DCBLD1: variants seen among roughly 807,000 people sequenced by gnomAD.
The protein encoded by DCBLD1 is discoidin, CUB and LCCL domain containing 1.
DCBLD1 carries 57 observed loss-of-function variants against 71.5 expected under a neutral mutation model. The observed-to-expected ratio is 0.80, with a 90% CI of 0.64 to 0.99. The LOEUF is 0.99. Among genes scored for constraint, DCBLD1 ranks in the 50% least tolerant of loss-of-function variants. The pLI is 0.00. For missense variants in DCBLD1, 891 were observed against 923.5 expected, an observed-to-expected ratio of 0.96 and a Z score of 0.46; for synonymous variants, 380 against 363.8, an observed-to-expected ratio of 1.04 and a Z score of -0.51.
chr6:117,547,838 C>T, intron 14 of DCBLD1, 69 bp from the exon 15 acceptor site: 1 of 1,548,984 alleles, frequency 6.5e-7, no homozygotes, highest in Middle Eastern at 1.7e-4. Context: ...AGCAGAGTAT[C>T]CCCGTCTGCC....
chr6:117,513,334 C>T (rs1778084866), intron 2 of DCBLD1, among the ~76,000 whole-genome samples: 1 of 152,182 alleles, frequency 6.6e-6, no homozygotes, highest in Admixed American at 6.5e-5. Context: ...AAGAAGGCAA[C>T]TCCTACAGTT....
chr6:117,483,363 G>A (rs1016855764), intron 1 of DCBLD1, among the ~76,000 whole-genome samples: 1 of 152,168 alleles, frequency 6.6e-6, no homozygotes, highest in Admixed American at 6.5e-5. Context: ...CGCTCCTCCC[G>A]CGCGGAATTG....
chr6:117,525,641 A>G (rs371632697), intron 5 of DCBLD1, among the ~76,000 whole-genome samples: 1 of 152,240 alleles, frequency 6.6e-6, no homozygotes, highest in Non-Finnish European at 1.5e-5. Flanking sequence ...TAAGCTTACT[A>G]TAAATGAAAT....
Position 117,549,702 on chromosome 6 carries a change from C to T in DCBLD1, c.*1263C>T. The T allele has an allele frequency of 1.0e-6, 1 of 985,418 alleles. No homozygotes were observed. The highest frequency in any genetic ancestry group is 1.2e-6 in the Non-Finnish European group (1 of 829,962). The allele number at this position is 985,418 out of a possible 1,614,324, so 61.0% of individuals were successfully genotyped here. On this transcript the variant is annotated 3_prime_UTR_variant, in exon 15 of 15. Transcript: ENST00000338728. ...GGGGGTGCTGGAAGGTCATGGCAGA[C>T]TAGCTGCTGGTTAGTGTGGAGGGGA... is the stretch of plus-strand genomic sequence containing the variant.
At chr6:117,525,836 C>T (rs1177915444) in intron 5 of DCBLD1, among the ~76,000 whole-genome samples, 1 of 152,144 alleles carries the variant, frequency 6.6e-6, no homozygotes, top group African/African-American at 2.4e-5. Flanking sequence ...AGCCATCCAC[C>T]CTGCTCTTAT....
intron 1 of DCBLD1, among the ~76,000 whole-genome samples, chr6:117,494,030 T>C (rs1013886029): frequency 4.6e-5 from 7 of 152,326 alleles, no homozygotes; most frequent in South Asian, 4.1e-4. Flanking sequence ...TTATCAGATA[T>C]GGTTGTCATG....
intron 1 of DCBLD1, among the ~76,000 whole-genome samples, chr6:117,495,050 G>A (rs571839470): frequency 2.0e-5 from 3 of 152,232 alleles, no homozygotes; most frequent in South Asian, 4.1e-4. Flanking sequence ...TTTTGAGGAG[G>A]GTGAGGGCAT....
At chr6:117,504,655 G>C (rs1161651136) in intron 2 of DCBLD1, among the ~76,000 whole-genome samples, 3 of 152,204 alleles carry the variant, frequency 2.0e-5, no homozygotes, top group Non-Finnish European at 4.4e-5. Flanking sequence ...GCAAAGGTCA[G>C]TTTCCTAAAT....
chr6:117,554,024 T>A (rs988218462), downstream of DCBLD1, among the ~76,000 whole-genome samples: 9 of 152,232 alleles, frequency 5.9e-5, no homozygotes, highest in African/African-American at 2.2e-4. Flanking sequence ...ATAAAACCCT[T>A]ACAACAGTGT....
chr6:117,569,663 C>T, exon 15 of DCBLD1: 1 of 1,611,768 alleles, frequency 6.2e-7, no homozygotes, highest in South Asian at 1.1e-5. Flanking sequence ...AACGTGCAGC[C>T]CTCCGCATCT....
At position 117,548,052 on chromosome 6, in the gene DCBLD1, C is replaced by A. The variant is rs762365669; in HGVS notation, c.1761C>A (p.His587Gln). ...ACTGCCCGCAGCGGGCCGGCCGCCA[C>A]GAGTACGCGCTGCCCCTGGCGCCCC... is the stretch of plus-strand genomic sequence containing the variant. Reference protein sequence around the residue: ...HYDCPQRAGRHEYALPLAPPE... With the variant: ...HYDCPQRAGRQEYALPLAPPE... Residue 587 changes from histidine to glutamine, a missense_variant, in exon 15 of 15, where the codon CAC becomes CAA. Transcript: ENST00000338728. 12 of 1,548,920 alleles carry A rather than the reference C, an allele frequency of 7.7e-6. No individual in the cohort carries two copies. The highest frequency in any genetic ancestry group is 1.2e-5 in the South Asian group (1 of 83,964).
chr6:117,520,016 T>C, intron 3 of DCBLD1, 66 bp downstream of exon 3: 1 of 1,593,166 alleles, frequency 6.3e-7, no homozygotes, highest in Non-Finnish European at 8.6e-7. Flanking sequence ...TTGCCACTTA[T>C]CCCCATCCCT....
rs774967762 is a variant in DCBLD1 at position 117,567,078 on chromosome 6, G to T, written c.1616-2542G>T. On this transcript the variant is annotated intron_variant, in intron 14 of 14. Coordinates refer to the DCBLD1 transcript ENST00000296955. ...ATGAGAAAGTCAAGTTATTGTAATT[G>T]TAATTTAAAAAGGATTTCCAAATTC... 2.1e-6 allele frequency: 3 copies of T among 1,433,666 alleles called. No homozygotes were observed. The South Asian group carries it at 4.3e-5, about 21-fold the overall frequency. 88.8% of individuals were successfully genotyped at this position (1,433,666 alleles called of 1,614,324 possible). A position where few individuals can be genotyped will look rare whatever the true frequency, so the allele number is the denominator to read the frequency against.
At chr6:117,542,378 CCTT>C (rs1779128033) in intron 11 of DCBLD1, among the ~76,000 whole-genome samples, 1 of 152,186 alleles carries the variant, frequency 6.6e-6, no homozygotes, top group Non-Finnish European at 1.5e-5. Flanking sequence ...TCCCTTTTCC[CCTT>C]CTTCATGAAT....
chr6:117,518,067 T>C (rs1187542773), intron 2 of DCBLD1, among the ~76,000 whole-genome samples: 1 of 152,214 alleles, frequency 6.6e-6, no homozygotes, highest in Non-Finnish European at 1.5e-5. Context: ...TTCTGAACTT[T>C]TATGCTCTGC....
In DCBLD1 at chr6:117,540,901, C is replaced by T; in HGVS notation, c.1250-17C>T. On this transcript the variant is annotated splice_polypyrimidine_tract_variant and intron_variant, in intron 10 of 14. Transcript: ENST00000338728. The stretch of plus-strand genomic sequence containing the variant: ...ATTGTTACTCATGTGGTTTTCCCGA[C>T]ATCCCTCCTCTCTCAGGTAATGATT... The T allele has an allele frequency of 6.2e-7, 1 of 1,613,948 alleles. No individual in the cohort carries two copies. Among genetic ancestry groups the T allele is most frequent in the Non-Finnish European group, 8.5e-7 (1 of 1,180,022 alleles).
At chr6:117,497,479 G>A (rs1582970361) in intron 1 of DCBLD1, among the ~76,000 whole-genome samples, 1 of 152,168 alleles carries the variant, frequency 6.6e-6, no homozygotes, top group Non-Finnish European at 1.5e-5. Context: ...CAAGCATCTA[G>A]GATTTGTTCT....
At position 117,548,889 on chromosome 6, in the gene DCBLD1, T is replaced by G. The variant is rs1779369221; in HGVS notation, c.*450T>G. On this transcript the variant is annotated 3_prime_UTR_variant, in exon 15 of 15. Coordinates refer to ENST00000338728, the MANE Select transcript of DCBLD1 (RefSeq NM_001366458.2). ...TGTTCATTTTTTTCAGTATATTATCTGATACTGTGTTAGCAGCAGGTCTGC... is the reference window on the plus strand; with the variant it reads ...TGTTCATTTTTTTCAGTATATTATCGGATACTGTGTTAGCAGCAGGTCTGC... The G allele has an allele frequency of 9.9e-7, 1 of 1,006,600 alleles. No individual in the cohort carries two copies. The allele number at this position is 1,006,600 out of a possible 1,614,324, so 62.4% of individuals were successfully genotyped here. A position where few individuals can be genotyped will look rare whatever the true frequency, so the allele number is the denominator to read the frequency against.
chr6:117,498,537 C>A (rs1471817160), intron 1 of DCBLD1, among the ~76,000 whole-genome samples: 1 of 152,160 alleles, frequency 6.6e-6, no homozygotes, highest in Non-Finnish European at 1.5e-5. Flanking sequence ...ATAGGTGGCA[C>A]TTTACTGTGT....
Sources: allele counts gnomAD v4.1 joint callset (sites outside exome capture counted in the v4.1 genomes callset), GRCh38; gene constraint gnomAD v4.1.1; transcripts MANE v1.5; gene names NCBI Gene and HGNC (gene_info 2026-07-23, HGNC 2026-07-21).